GPR89B: variants seen among roughly 807,000 people sequenced by gnomAD.
GPR89B encodes the protein G protein-coupled receptor 89B.
In GPR89B, 25 loss-of-function variants were observed where a neutral mutation model predicts 52.4. That is an observed-to-expected ratio of 0.48 (90% CI 0.35 to 0.67). The LOEUF (loss-of-function observed/expected upper bound fraction) is 0.67. GPR89B is among the 30% of genes least tolerant of loss of function. The probability of loss-of-function intolerance (pLI) is 0.01; values close to 1 mark genes in which losing one functional copy is unlikely to be tolerated. For missense variants in GPR89B, 146 were observed against 450.2 expected (o/e 0.32, Z 6.11); for synonymous variants, 52 against 151.2 (o/e 0.34, Z 4.81).
intron 7 of GPR89B, among the ~76,000 whole-genome samples, chr1:147,962,350 G>A (rs1406097500): frequency 2.0e-5 from 3 of 151,474 alleles, no homozygotes; most frequent in Non-Finnish European, 4.4e-5. Flanking sequence ...CTTGAATCCA[G>A]GAGGCAGAGG....
rs1250354638 is a variant in GPR89B, at chr1:147,955,139, A to G, written c.617+737A>G. Among the ~76,000 whole-genome samples the G allele has an allele frequency of 1.3e-4, 20 of 151,922 alleles. 1 individual carries two copies. Among genetic ancestry groups the G allele is most frequent in the African/African-American group, 4.8e-4 (20 of 41,294 alleles). On this transcript the variant is annotated intron_variant, in intron 7 of 13. Transcript: ENST00000314163. ...GAGTTCACTGTTTTAGATTCCACATATAAGTGAGAACATGCAGTATTTGTC... is the reference window on the plus strand; with the variant it reads ...GAGTTCACTGTTTTAGATTCCACATGTAAGTGAGAACATGCAGTATTTGTC...
At chr1:147,971,464 C>CT (rs1196935183) in intron 10 of GPR89B, among the ~76,000 whole-genome samples, 1,877 of 70,324 alleles carry the variant, frequency 0.027, 87 homozygotes, top group African/African-American at 0.048. Flanking sequence ...GGAAGCATGT[C>CT]TTTTTTTTTT....
At chr1:148,009,276 CT>C in the GPR89B span, 1 of 1,481,708 alleles carries the variant, frequency 6.7e-7, no homozygotes, top group African/African-American at 1.4e-5. Context: ...CCAGTAGCAT[CT>C]TTGTTCTGGA....
intron 1 of GPR89B, among the ~76,000 whole-genome samples, chr1:147,931,745 C>T (rs1553247047): frequency 6.6e-6 from 1 of 151,570 alleles, no homozygotes; most frequent in African/African-American, 2.4e-5. Context: ...CCCTCCCCTG[C>T]CCCCAAGTAG....
At chr1:148,004,379 A>T in the GPR89B span, among the ~76,000 whole-genome samples, 2 of 147,782 alleles carry the variant, frequency 1.4e-5, no homozygotes, top group Admixed American at 1.4e-4. Flanking sequence ...GTTAGCCAGG[A>T]TGGTCTCGAT....
At chr1:147,932,019 C>T (rs1553247106) in intron 1 of GPR89B, among the ~76,000 whole-genome samples, 2 of 152,040 alleles carry the variant, frequency 1.3e-5, no homozygotes, top group South Asian at 2.1e-4. Context: ...TTCCCCTCCC[C>T]ACCATATAAA....
rs1442510470 is a variant in GPR89B, at chr1:147,986,653, T to C, written c.1005+359T>C. On this transcript the variant is annotated intron_variant, in intron 11 of 13. Coordinates refer to ENST00000314163, the MANE Select transcript of GPR89B (RefSeq NM_016334.5). ...CAAATACTTCTCTCTGTGATTCTTA[T>C]TGAGCTCTTCAAACACACAACTCAG... Among the ~76,000 whole-genome samples the C allele has an allele frequency of 1.7e-4, 26 of 152,322 alleles. 1 individual carries two copies. The highest frequency in any genetic ancestry group is 3.3e-4 in the Admixed American group (5 of 15,298).
intron 10 of GPR89B, among the ~76,000 whole-genome samples, chr1:147,972,635 T>C (rs1186541707): frequency 4.6e-4 from 70 of 152,036 alleles, no homozygotes; most frequent in Middle Eastern, 3.4e-3. Context: ...GGATGAATTA[T>C]CTGTTCAAAT....
chr1:147,988,803 G>A (rs1222117637), intron 12 of GPR89B, among the ~76,000 whole-genome samples: 1 of 151,906 alleles, frequency 6.6e-6, no homozygotes, highest in Non-Finnish European at 1.5e-5. Context: ...AGCGGAGATT[G>A]CAGTGAGCCA....
chr1:148,003,920 A>G, the GPR89B span: 2 of 575,080 alleles, frequency 3.5e-6, no homozygotes, highest in African/African-American at 4.5e-5. Context: ...TCTGCTCAAC[A>G]TGACGCTTGT....
At chr1:148,017,838 A>G in the GPR89B span, among the ~76,000 whole-genome samples, 1 of 150,640 alleles carries the variant, frequency 6.6e-6, no homozygotes, top group Admixed American at 6.6e-5. Context: ...CCTTTATTAA[A>G]ATATGCAGAG....
In GPR89B at chr1:147,936,343, G is replaced by A. The variant is rs1393916686; in HGVS notation, c.43-284G>A. Among the ~76,000 whole-genome samples the A allele has an allele frequency of 5.3e-5, 8 of 152,238 alleles. 2 individuals carry two copies. The highest frequency in any genetic ancestry group is 1.9e-4 in the African/African-American group (8 of 41,536). ...TCCTTTTCTATTTGCAAACTTCTCT[G>A]GCTCATATAATGATTATCATAAGAT... On this transcript the variant is annotated intron_variant, in intron 1 of 13. Transcript: ENST00000314163.
At chr1:148,016,545 T>A in the GPR89B span, among the ~76,000 whole-genome samples, 1 of 143,538 alleles carries the variant, frequency 7.0e-6, no homozygotes, top group South Asian at 2.3e-4. Context: ...TTCTTGTGCT[T>A]TGGTTTCCTC....
At chr1:147,978,434 T>C (rs1361836409) in intron 10 of GPR89B, among the ~76,000 whole-genome samples, 4 of 151,706 alleles carry the variant, frequency 2.6e-5, no homozygotes, top group African/African-American at 9.8e-5. Flanking sequence ...TGGCAACCCC[T>C]GGTGGGTCTC....
At chr1:148,000,385 CTAAA>C in the GPR89B span, among the ~76,000 whole-genome samples, 1 of 150,068 alleles carries the variant, frequency 6.7e-6, no homozygotes, top group Non-Finnish European at 1.5e-5. Context: ...GTTCAAGTAG[CTAAA>C]AAAAAAGCCA....
the GPR89B span, among the ~76,000 whole-genome samples, chr1:148,015,307 C>CTCTCTCTCTG: frequency 7.7e-6 from 1 of 129,274 alleles, no homozygotes; most frequent in Admixed American, 8.2e-5. Flanking sequence ...CTCTCTCTCT[C>CTCTCTCTCTG]TCTCTCTCTC....
the GPR89B span, among the ~76,000 whole-genome samples, chr1:147,998,615 C>T: frequency 1.3e-5 from 2 of 151,988 alleles, no homozygotes; most frequent in African/African-American, 4.8e-5. Context: ...CTTGGTGGCT[C>T]ATGCCTGAAA....
downstream of GPR89B, chr1:147,994,181 G>A (rs1437914566): frequency 2.2e-5 from 33 of 1,502,178 alleles, no homozygotes; most frequent in East Asian, 5.7e-4. Context: ...ATGGTTTCCA[G>A]TGGAGTTTTT....
the GPR89B span, among the ~76,000 whole-genome samples, chr1:148,007,091 T>C: frequency 6.6e-6 from 1 of 150,444 alleles, no homozygotes; most frequent in African/African-American, 2.5e-5. Context: ...TTTTTTTTTT[T>C]TTGAGACGGA....
Sources: allele counts gnomAD v4.1 joint callset (sites outside exome capture counted in the v4.1 genomes callset), GRCh38; gene constraint gnomAD v4.1.1; transcripts MANE v1.5; gene names NCBI Gene and HGNC (gene_info 2026-07-23, HGNC 2026-07-21).